APP: variants seen among roughly 807,000 people sequenced by gnomAD.
APP encodes the protein amyloid beta precursor protein.
In APP, 31 loss-of-function variants were observed where a neutral mutation model predicts 101.4. That is an observed-to-expected ratio of 0.31 (90% CI 0.23 to 0.41). The LOEUF is 0.41. APP is among the 10% of genes least tolerant of loss of function. The pLI is 1.00. For synonymous variants in APP, 366 were observed against 364.4 expected (o/e 1.00, Z -0.05); for missense variants, 839 against 1,003.7 (o/e 0.84, Z 2.22).
At chr21:25,897,267 C>T (rs1157415840) in intron 16 of APP, among the ~76,000 whole-genome samples, 3 of 152,118 alleles carry the variant, frequency 2.0e-5, no homozygotes, top group Non-Finnish European at 2.9e-5. Flanking sequence ...TGTTTGCCAC[C>T]ACACCCAGCT....
chr21:26,096,770 C>T (rs763946145), intron 2 of APP, among the ~76,000 whole-genome samples: 33 of 151,546 alleles, frequency 2.2e-4, no homozygotes, highest in Admixed American at 5.3e-4. Context: ...AGTGAGACCC[C>T]GCCTCAAAAA....
At chr21:25,945,934 G>T in intron 13 of APP, 1 of 455,108 alleles carries the variant, frequency 2.2e-6, no homozygotes, top group South Asian at 1.6e-5. Context: ...TGCCCACCTT[G>T]GCCTCCCAAA....
At chr21:25,889,706 T>C (rs1569010853) in intron 17 of APP, among the ~76,000 whole-genome samples, 1 of 152,006 alleles carries the variant, frequency 6.6e-6, no homozygotes, top group East Asian at 1.9e-4. Flanking sequence ...CCAGGCGTGG[T>C]GGTATGCCCC....
chr21:26,162,183 G>T (rs2063505499), intron 1 of APP, among the ~76,000 whole-genome samples: 1 of 152,144 alleles, frequency 6.6e-6, no homozygotes, highest in Admixed American at 6.5e-5. Context: ...TAAGAAATTA[G>T]TCAGATGTGG....
chr21:26,077,049 T>C (rs1484216832), intron 3 of APP, among the ~76,000 whole-genome samples: 13 of 131,464 alleles, frequency 9.9e-5, no homozygotes, highest in African/African-American at 3.8e-4. Flanking sequence ...GGCGACAGAG[T>C]GAGACTCTGT....
In APP at chr21:25,910,552, G is replaced by C. The variant is rs559940034; in HGVS notation, c.1909+1189C>G. ...TTTGTATCTAGAAATCAAGGTGTTTGTGTGTAATTGTATACTTCTGAACAT... is the reference window on the plus strand; with the variant it reads ...TTTGTATCTAGAAATCAAGGTGTTTCTGTGTAATTGTATACTTCTGAACAT... On this transcript the variant is annotated intron_variant, in intron 14 of 17. Transcript: ENST00000346798. 2.6e-5 allele frequency among the ~76,000 whole-genome samples: 4 copies of C among 152,318 alleles called. 1 individual carries two copies. Among genetic ancestry groups the C allele is most frequent in the African/African-American group, 7.2e-5 (3 of 41,570 alleles).
intron 3 of APP, among the ~76,000 whole-genome samples, chr21:26,060,115 A>G (rs2145991481): frequency 6.6e-6 from 1 of 152,274 alleles, no homozygotes; most frequent in South Asian, 2.1e-4. Context: ...GTTTCTCATA[A>G]TAATAATCAT....
intron 5 of APP, among the ~76,000 whole-genome samples, chr21:26,027,951 T>C (rs547909200): frequency 6.6e-6 from 1 of 152,202 alleles, no homozygotes; most frequent in African/African-American, 2.4e-5. Context: ...TCCCAGCACG[T>C]TGCGGGGCCG....
rs45451592 is a variant in APP, at chr21:26,022,152, A to G, written c.663-110T>C. ...GGCAATTTGAGAAGAAACACACCCA[A>G]AACTTCAATTCAGCAGGTCTAAGTA... On this transcript the variant is annotated intron_variant, in intron 5 of 17. Coordinates refer to ENST00000346798, the MANE Select transcript of APP (RefSeq NM_000484.4). 4.3e-3 allele frequency: 5,448 copies of G among 1,263,226 alleles called. 158 individuals are homozygous for G. In the African/African-American group the frequency reaches 0.071, roughly 16 times the overall value. 78.3% of individuals were successfully genotyped at this position (1,263,226 alleles called of 1,614,324 possible).
At chr21:26,050,177 C>G (rs140179502) in intron 5 of APP, among the ~76,000 whole-genome samples, 139 of 152,152 alleles carry the variant, frequency 9.1e-4, no homozygotes, top group African/African-American at 3.1e-3. Flanking sequence ...TGTAGTTTGC[C>G]GATTATAAAC....
chr21:25,941,799 GCAA>G (rs1456273035), intron 13 of APP: 1 of 152,218 alleles, frequency 6.6e-6, no homozygotes, highest in Admixed American at 6.5e-5. Context: ...ATAGCCAGCA[GCAA>G]CAGGCCACTA....
chr21:25,930,496 C>T (rs2040095464), intron 13 of APP, among the ~76,000 whole-genome samples: 1 of 152,126 alleles, frequency 6.6e-6, no homozygotes, highest in Non-Finnish European at 1.5e-5. Context: ...TGATTTTCAA[C>T]ATCCATACAT....
chr21:25,970,602 A>C (rs908923460), intron 11 of APP, among the ~76,000 whole-genome samples: 1 of 152,228 alleles, frequency 6.6e-6, no homozygotes, highest in African/African-American at 2.4e-5. Context: ...GCTAAGATAG[A>C]GAATTTTGGC....
intron 1 of APP, among the ~76,000 whole-genome samples, chr21:26,145,900 T>C (rs1299574568): frequency 6.9e-6 from 1 of 145,904 alleles, no homozygotes; most frequent in East Asian, 1.9e-4. Context: ...CAGCATAATA[T>C]TCTACTGTAT....
chr21:26,089,951 C>A lies in APP; in HGVS notation c.347G>T (p.Arg116Leu). 1 of 1,614,054 alleles carries A rather than the reference C, an allele frequency of 6.2e-7. No individual in the cohort carries two copies. The highest frequency in any genetic ancestry group is 2.2e-5 in the East Asian group (1 of 44,888). Residue 116 changes from arginine (R) to leucine (L), a missense_variant, in exon 3 of 18, where the codon CGC (arginine) becomes CTC (leucine). Arg to Leu is a moderately radical substitution (Grantham distance 102). Coordinates refer to ENST00000346798, the MANE Select transcript of APP (RefSeq NM_000484.4). ...ACGGCCGGCCGGCTCACCTAAGCAG[C>A]GGTAGGGAATCACAAAGTGGGGATG... ...KTHPHFVIPY[R>L]CLVGEFVSDA...
chr21:26,057,814 T>C (rs1050051172), intron 3 of APP, among the ~76,000 whole-genome samples: 4 of 152,214 alleles, frequency 2.6e-5, no homozygotes, highest in Non-Finnish European at 4.4e-5. Flanking sequence ...CTGTTCAAAA[T>C]GGTTCATTTG....
At chr21:26,114,806 T>C (rs1159642142) in intron 1 of APP, among the ~76,000 whole-genome samples, 52 of 152,336 alleles carry the variant, frequency 3.4e-4, no homozygotes, top group Non-Finnish European at 5.9e-5. Flanking sequence ...TTGGCATATG[T>C]GTGTATGCTG....
rs1375094471 is a variant in APP at position 25,966,554 on chromosome 21, A to T, written c.1458+8516T>A. ...GCTGGTGGAATGCCTTAAACATTAT[A>T]ATATTCATCTGTCCACATACCAAGA... On this transcript the variant is annotated intron_variant, in intron 11 of 17. Coordinates refer to ENST00000346798, the MANE Select transcript of APP (RefSeq NM_000484.4). Among the ~76,000 whole-genome samples the T allele has an allele frequency of 2.0e-5, 3 of 152,220 alleles. No homozygotes were observed. In the East Asian group the frequency reaches 5.8e-4, roughly 29 times the overall value.
At chr21:25,976,440 T>C (rs45512191) in intron 9 of APP, among the ~76,000 whole-genome samples, 1,945 of 152,320 alleles carry the variant, frequency 0.013, 44 homozygotes, top group African/African-American at 0.044. Flanking sequence ...AAACTGTATA[T>C]TTTGACTTTA....
Sources: gnomAD v4.1 joint callset for allele counts (sites outside exome capture counted in the v4.1 genomes callset) on GRCh38, gnomAD v4.1.1 for gene constraint, MANE v1.5 for transcripts, NCBI Gene and HGNC (gene_info 2026-07-23, HGNC 2026-07-21) for gene names.